Variants in TMEM184C observed in about 807,000 individuals in gnomAD.
TMEM184C encodes the protein transmembrane protein 34.
TMEM184C carries 25 observed loss-of-function variants against 54.5 expected under a neutral mutation model. That is an observed-to-expected ratio of 0.46 (90% CI 0.33 to 0.64). The LOEUF (loss-of-function observed/expected upper bound fraction) is 0.64. TMEM184C is among the 30% of genes least tolerant of loss of function. TMEM184C has a pLI of 0.02. For synonymous variants in TMEM184C, 148 were observed against 181.5 expected, an observed-to-expected ratio of 0.82 and a Z score of 1.49; for missense variants, 335 against 520.3, an observed-to-expected ratio of 0.64 and a Z score of 3.46.
intron 4 of TMEM184C, 139 bp downstream of exon 4, chr4:147,625,148 T>C: frequency 2.7e-6 from 2 of 749,158 alleles, no homozygotes; most frequent in Non-Finnish European, 4.3e-6. Context: ...CCTGATGCAG[T>C]TCATAGTTGT....
intron 4 of TMEM184C, among the ~76,000 whole-genome samples, chr4:147,627,228 T>G (rs1207127644): frequency 1.3e-5 from 2 of 152,178 alleles, no homozygotes; most frequent in African/African-American, 4.8e-5. Flanking sequence ...AGAGTCTTTG[T>G]CAAATGAGAA....
intron 8 of TMEM184C, 57 bp downstream of exon 8, chr4:147,633,059 C>A (rs771049030): frequency 4.2e-6 from 6 of 1,434,270 alleles, no homozygotes; most frequent in Non-Finnish European, 5.9e-6. Flanking sequence ...AGCATTTTTA[C>A]ATATCTCCAC....
At chr4:147,631,528 T>C (rs1732917170) in intron 7 of TMEM184C, 23 bp downstream of exon 7, 6 of 1,575,122 alleles carry the variant, frequency 3.8e-6, no homozygotes, top group Non-Finnish European at 5.2e-6. Context: ...TTTTTTTAAA[T>C]GTTCTCATTT....
intron 4 of TMEM184C, among the ~76,000 whole-genome samples, chr4:147,626,618 C>A (rs1732819941): frequency 6.6e-6 from 1 of 151,992 alleles, no homozygotes; most frequent in South Asian, 2.1e-4. Context: ...AGCTACCTGG[C>A]TTTTTAAAAA....
intron 3 of TMEM184C, 140 bp from the exon 4 acceptor site, chr4:147,624,664 A>G: frequency 1.4e-6 from 1 of 706,296 alleles, no homozygotes; most frequent in Non-Finnish European, 2.3e-6. Context: ...CCTCATAATG[A>G]TAAATTTTAG....
At chr4:147,627,357 C>G (rs1271478230) in intron 4 of TMEM184C, among the ~76,000 whole-genome samples, 1 of 152,010 alleles carries the variant, frequency 6.6e-6, no homozygotes, top group Non-Finnish European at 1.5e-5. Flanking sequence ...GTGGCGTGAT[C>G]TCAGCTCATT....
intron 8 of TMEM184C, 132 bp downstream of exon 8, chr4:147,633,134 A>T: frequency 4.5e-6 from 3 of 665,092 alleles, no homozygotes; most frequent in Middle Eastern, 2.6e-4. Flanking sequence ...AAACAGGGGA[A>T]CCCTAGAGAA....
At chr4:147,622,659 T>G (rs1732734098) in intron 1 of TMEM184C, among the ~76,000 whole-genome samples, 1 of 152,234 alleles carries the variant, frequency 6.6e-6, no homozygotes, top group Non-Finnish European at 1.5e-5. Flanking sequence ...CCCTGTAATA[T>G]GAGTGCTCAG....
Position 147,634,280 on chromosome 4 carries a change from C to T in TMEM184C, c.1163C>T (p.Ser388Phe), listed in dbSNP as rs893107710. The change falls in exon 10 of 10, where the codon TCT (serine) becomes TTT (phenylalanine). Residue 388 changes from serine to phenylalanine, a missense_variant. Ser to Phe is a radical substitution (Grantham distance 155). Transcript: ENST00000296582. The stretch of plus-strand genomic sequence containing the variant: ...TCACAAGATGCAATTTCCATTGCTT[C>T]TTCTATGCCACCTTCACCCATGGGT... ...SSSQDAISIASSMPPSPMGHY... is the reference protein window; with the variant it reads ...SSSQDAISIAFSMPPSPMGHY... The T allele has an allele frequency of 1.2e-6, 2 of 1,614,056 alleles. No homozygotes were observed. The highest frequency in any genetic ancestry group is 1.3e-5 in the African/African-American group (1 of 74,924).
chr4:147,624,756 C>A, intron 3 of TMEM184C, 48 bp from the exon 4 acceptor site: 1 of 1,573,956 alleles, frequency 6.4e-7, no homozygotes, highest in South Asian at 1.1e-5. Flanking sequence ...AGTGGTGATT[C>A]ATTTTATCTT....
intron 1 of TMEM184C, among the ~76,000 whole-genome samples, chr4:147,618,405 G>A (rs558546828): frequency 1.1e-4 from 17 of 152,224 alleles, no homozygotes; most frequent in Admixed American, 3.3e-4. Flanking sequence ...GACGAAACTA[G>A]GTCAAATAAA....
At position 147,632,172 on chromosome 4, in the gene TMEM184C, C is replaced by CAAA. The variant is rs537342410; in HGVS notation, c.779+682_779+684dup. ...TGGGCACCAGAGTGAAACTCTGTCTCAAAAAAAAAAAAAAAAAGAATTTAG... is the reference window on the plus strand; with the variant it reads ...TGGGCACCAGAGTGAAACTCTGTCTCAAAAAAAAAAAAAAAAAAAAGAATTTAG... On this transcript the variant is annotated intron_variant, in intron 7 of 9. Coordinates refer to ENST00000296582, the MANE Select transcript of TMEM184C (RefSeq NM_018241.3). 6.2e-3 allele frequency among the ~76,000 whole-genome samples: 767 copies of CAAA among 123,056 alleles called. 17 individuals carry two copies. The highest frequency in any genetic ancestry group is 0.022 in the African/African-American group (710 of 32,076). The allele number at this position is 123,056 out of a possible 152,430, so 80.7% of individuals were successfully genotyped here. A position where few individuals can be genotyped will look rare whatever the true frequency, so the allele number is the denominator to read the frequency against.
At chr4:147,630,460 A>G (rs1411007349) in intron 6 of TMEM184C, among the ~76,000 whole-genome samples, 1 of 152,060 alleles carries the variant, frequency 6.6e-6, no homozygotes, top group Admixed American at 6.5e-5. Flanking sequence ...TGCCTAAAGT[A>G]TCTTTGTATA....
rs1732755426 is a variant in TMEM184C at position 147,623,585 on chromosome 4, G to A, written c.124-249G>A. On this transcript the variant is annotated intron_variant, in intron 1 of 9. Transcript: ENST00000296582. ...AAAAAAAAGATTCATACTCTTCAAG[G>A]CAAGATTACAAGTTAATATAAAAGT... Among the ~76,000 whole-genome samples, 5 of 148,608 alleles carry A rather than the reference G, an allele frequency of 3.4e-5. No homozygotes were observed. In the South Asian group the frequency reaches 1.1e-3, roughly 31 times the overall value.
chr4:147,629,744 T>A, intron 6 of TMEM184C, 52 bp downstream of exon 6: 1 of 1,278,930 alleles, frequency 7.8e-7, no homozygotes, highest in Non-Finnish European at 1.1e-6. Context: ...TATCTATAAC[T>A]AAATTTCTTT....
chr4:147,619,646 G>A (rs772464334), intron 1 of TMEM184C, among the ~76,000 whole-genome samples: 24 of 152,100 alleles, frequency 1.6e-4, no homozygotes, highest in Non-Finnish European at 3.2e-4. Context: ...AAATATTTCC[G>A]TGGAGTATAG....
rs1430429574 is a variant in TMEM184C at position 147,635,410 on chromosome 4, A to G, written c.*976A>G. The G allele has an allele frequency of 6.6e-6, 1 of 152,224 alleles. No homozygotes were observed. The highest frequency in any genetic ancestry group is 1.9e-4 in the East Asian group (1 of 5,202). 9.4% of individuals were successfully genotyped at this position (152,224 alleles called of 1,614,324 possible). A position where few individuals can be genotyped will look rare whatever the true frequency, so the allele number is the denominator to read the frequency against. ...TGGTCTTAATTACTCATTAAACCAC[A>G]GTCAGAAAGACATATAGGTGCTATT... On this transcript the variant is annotated 3_prime_UTR_variant, in exon 10 of 10. Transcript: ENST00000296582.
rs1578858371 is a variant in TMEM184C at position 147,624,246 on chromosome 4, A to G, written c.291+148A>G. 5 of 612,200 alleles carry G rather than the reference A, an allele frequency of 8.2e-6. No homozygotes were observed. The East Asian group carries it at 1.5e-4, about 18-fold the overall frequency. 37.9% of individuals were successfully genotyped at this position (612,200 alleles called of 1,614,324 possible). On this transcript the variant is annotated intron_variant, in intron 3 of 9. Transcript: ENST00000296582. The stretch of plus-strand genomic sequence containing the variant: ...TCACTTGTTTCTAATGATAGAGAAT[A>G]TAAAGTATAATTAAAAATGTAAAAT...
At position 147,627,819 on chromosome 4, in the gene TMEM184C, C is replaced by A. The variant is rs181023818; in HGVS notation, c.498-542C>A. Reference sequence around the variant, plus strand: ...GGCTGAGGTGGGAGGATCACTTGAGCCCAGGAGGTCAAGAGTAGCCTGGGC... The same window carrying A: ...GGCTGAGGTGGGAGGATCACTTGAGACCAGGAGGTCAAGAGTAGCCTGGGC... On this transcript the variant is annotated intron_variant, in intron 4 of 9. Coordinates refer to ENST00000296582, the MANE Select transcript of TMEM184C (RefSeq NM_018241.3). Among the ~76,000 whole-genome samples, 828 of 151,148 alleles carry A rather than the reference C, an allele frequency of 5.5e-3. 2 individuals carry two copies. The highest frequency in any genetic ancestry group is 0.02 in the Middle Eastern group (6 of 294).
Sources: allele counts gnomAD v4.1 joint callset (sites outside exome capture counted in the v4.1 genomes callset), GRCh38; gene constraint gnomAD v4.1.1; transcripts MANE v1.5; gene names NCBI Gene and HGNC (gene_info 2026-07-23, HGNC 2026-07-21).